The following NOC3L variants were observed in gnomAD, a reference collection of about 807,000 sequenced individuals.
NOC3L encodes NOC3 like DNA replication regulator.
NOC3L carries 85 observed loss-of-function variants against 102.5 expected under a neutral mutation model. The ratio of observed to expected loss-of-function variants is 0.83; its 90% CI spans 0.70 to 0.99. The LOEUF (loss-of-function observed/expected upper bound fraction) is 0.99, where lower values mean the gene tolerates loss of function less well. NOC3L is among the 50% of genes least tolerant of loss of function. The pLI is 0.00. For synonymous variants in NOC3L, 303 were observed against 309.4 expected, an observed-to-expected ratio of 0.98 and a Z score of 0.22; for missense variants, 878 against 914.9, an observed-to-expected ratio of 0.96 and a Z score of 0.52.
At chr10:94,329,303 G>A (rs1033117243), downstream of NOC3L, 5 of 152,144 alleles carry the variant, frequency 3.3e-5, no homozygotes, top group Non-Finnish European at 7.3e-5. Context: ...AATGAAATAT[G>A]TATTCCTCTA....
rs751034737 is a variant in NOC3L at position 94,346,453 on chromosome 10, CTCTTT to C, written c.1356_1360del (p.Arg454IlefsTer30). On this transcript the variant is annotated frameshift_variant, in exon 11 of 21. Coordinates refer to ENST00000371361, the MANE Select transcript of NOC3L (RefSeq NM_022451.11). LOFTEE classifies it high-confidence loss of function. ...TCTCTGCATTCTTGATAGAGATTTT[CTCTTT>C]TCTTTGAAAGTCATAAATTTTTTTG... 6 of 1,512,286 alleles carry C rather than the reference CTCTTT, an allele frequency of 4.0e-6. No individual in the cohort carries two copies. The highest frequency in any genetic ancestry group is 3.5e-6 in the Non-Finnish European group (4 of 1,128,662). The allele number at this position is 1,512,286 out of a possible 1,614,324, so 93.7% of individuals were successfully genotyped here.
chr10:94,355,148 A>G (rs1341031565), intron 5 of NOC3L, 55 bp from the exon 6 acceptor site: 1 of 1,443,262 alleles, frequency 6.9e-7, no homozygotes, highest in African/African-American at 1.4e-5. Flanking sequence ...GTATCCAAGA[A>G]TCTTAATAAA....
chr10:94,345,134 G>T (rs771231408), intron 11 of NOC3L, among the ~76,000 whole-genome samples: 10 of 152,140 alleles, frequency 6.6e-5, no homozygotes, highest in Non-Finnish European at 7.4e-5. Flanking sequence ...GAAGAAGGTA[G>T]AAGAATGAGA....
intron 19 of NOC3L, 122 bp from the exon 20 acceptor site, chr10:94,334,840 TAACC>T: frequency 1.4e-6 from 1 of 692,542 alleles, no homozygotes; most frequent in Admixed American, 2.6e-5. Flanking sequence ...GATTTGAAAC[TAACC>T]AACCAATCCA....
chr10:94,319,169 AG>A, the NOC3L span, among the ~76,000 whole-genome samples: 26 of 152,348 alleles, frequency 1.7e-4, no homozygotes, highest in African/African-American at 6.0e-4. Context: ...AAGGCTAACA[AG>A]ATTTTTCTGA....
chr10:94,357,445 G>A (rs2054502206), intron 3 of NOC3L, 114 bp from the exon 4 acceptor site: 1 of 782,422 alleles, frequency 1.3e-6, no homozygotes, highest in Non-Finnish European at 1.8e-6. Context: ...TAGGTATATG[G>A]ATAGTAGCAC....
chr10:94,320,423 G>A, the NOC3L span, among the ~76,000 whole-genome samples: 1 of 152,212 alleles, frequency 6.6e-6, no homozygotes, highest in African/African-American at 2.4e-5. Flanking sequence ...ATTGGGGCAA[G>A]CTTCAGAAGC....
At chr10:94,344,034 T>C (rs2054315228) in intron 13 of NOC3L, among the ~76,000 whole-genome samples, 1 of 152,204 alleles carries the variant, frequency 6.6e-6, no homozygotes, top group South Asian at 2.1e-4. Flanking sequence ...CAGAAACACA[T>C]TACACAGAAC....
intron 8 of NOC3L, among the ~76,000 whole-genome samples, chr10:94,351,212 T>C (rs544810627): frequency 1.3e-5 from 2 of 152,138 alleles, no homozygotes; most frequent in African/African-American, 4.8e-5. Flanking sequence ...CACCAGAACA[T>C]AGAAGCAATA....
chr10:94,349,740 A>G (rs918055246), intron 9 of NOC3L, among the ~76,000 whole-genome samples: 1 of 152,002 alleles, frequency 6.6e-6, no homozygotes, highest in African/African-American at 2.4e-5. Context: ...CACATGGTGT[A>G]TAATTTTCTT....
At chr10:94,339,981 C>T in intron 16 of NOC3L, 61 bp from the exon 17 acceptor site, 2 of 1,417,864 alleles carry the variant, frequency 1.4e-6, no homozygotes, top group South Asian at 1.3e-5. Context: ...CGCAACTGGA[C>T]TGAACTTCAG....
chr10:94,355,460 A>T (rs1244416836), intron 5 of NOC3L, among the ~76,000 whole-genome samples: 1 of 151,038 alleles, frequency 6.6e-6, no homozygotes, highest in Non-Finnish European at 1.5e-5. Context: ...GCACTATCAC[A>T]GCTTACTACA....
chr10:94,320,401 GTTAA>G, the NOC3L span, among the ~76,000 whole-genome samples: 2 of 152,166 alleles, frequency 1.3e-5, no homozygotes, highest in Non-Finnish European at 1.5e-5. Flanking sequence ...TGATTGCAAA[GTTAA>G]TTAAATGATT....
intron 13 of NOC3L, among the ~76,000 whole-genome samples, chr10:94,343,003 G>A (rs1348422274): frequency 1.3e-5 from 2 of 151,462 alleles, no homozygotes; most frequent in Admixed American, 1.3e-4. Context: ...GTGACTGCTT[G>A]AACCTGGGAT....
downstream of NOC3L, chr10:94,332,599 T>C (rs1691581548): frequency 2.0e-5 from 3 of 151,270 alleles, no homozygotes; most frequent in Non-Finnish European, 4.4e-5. Context: ...ACAAATATAT[T>C]TCCTCAAATT....
At chr10:94,340,778 A>G (rs375481173) in intron 14 of NOC3L, among the ~76,000 whole-genome samples, 93 of 151,542 alleles carry the variant, frequency 6.1e-4, no homozygotes, top group Middle Eastern at 6.8e-3. Flanking sequence ...TCAGGAGATC[A>G]AGACCATCCT....
chr10:94,316,412 TC>T, the NOC3L span: 1 of 659,544 alleles, frequency 1.5e-6, no homozygotes, highest in South Asian at 1.6e-5. Context: ...TCTTAGATCT[TC>T]CAAAAAGAAT....
chr10:94,341,097 T>TGGA lies in NOC3L; in HGVS notation c.1644+573_1644+575dup, dbSNP rs767216860. ...TAAAGTGGGAGGATCACCTGAGCCC[T>TGGA]GGAAGGTCAAGGCTGCAGTGAGCTG... On this transcript the variant is annotated intron_variant, in intron 14 of 20. Transcript: ENST00000371361. Among the ~76,000 whole-genome samples, 93 of 151,790 alleles carry TGGA rather than the reference T, an allele frequency of 6.1e-4. 1 individual carries two copies. The highest frequency in any genetic ancestry group is 1.5e-3 in the Admixed American group (23 of 15,230).
chr10:94,349,116 T>C (rs1201754456), intron 10 of NOC3L, 134 bp downstream of exon 10: 4 of 888,392 alleles, frequency 4.5e-6, no homozygotes, highest in East Asian at 3.1e-5. Context: ...ATTTCAGGAG[T>C]TGACATGTTA....
Sources: allele counts gnomAD v4.1 joint callset (sites outside exome capture counted in the v4.1 genomes callset), GRCh38; gene constraint gnomAD v4.1.1; transcripts MANE v1.5; gene names NCBI Gene and HGNC (gene_info 2026-07-23, HGNC 2026-07-21).